TENM3: variants seen among roughly 807,000 people sequenced by gnomAD.
TENM3 encodes the protein teneurin-3.
Under a neutral mutation model 255.1 loss-of-function variants are expected in TENM3, and 63 were observed. That is an observed-to-expected ratio of 0.25 (90% confidence interval 0.20 to 0.30). The LOEUF is 0.30. Among genes scored for constraint, TENM3 ranks in the 10% least tolerant of loss-of-function variants. The pLI is 1.00. For missense variants in TENM3, 2,929 were observed against 3,461.1 expected, an observed-to-expected ratio of 0.85 and a Z score of 3.86; for synonymous variants, 1,306 against 1,322.3, an observed-to-expected ratio of 0.99 and a Z score of 0.27.
In TENM3 at chr4:182,714,281, C is replaced by T. The variant is rs117060822; in HGVS notation, c.2368+48C>T. The T allele has an allele frequency of 2.0e-4, 210 of 1,030,306 alleles. 1 individual carries two copies. In the South Asian group the frequency reaches 2.7e-3, roughly 13 times the overall value. 63.8% of individuals were successfully genotyped at this position (1,030,306 alleles called of 1,614,324 possible). On this transcript the variant is annotated intron_variant, in intron 13 of 27. Transcript: ENST00000511685. ...ACGAGTCTGTGCCAGAGCACAGGTT[C>T]GTAAGTGACAGTGAGTACATAGATA...
At chr4:181,621,624 C>A in the TENM3 span, among the ~76,000 whole-genome samples, 522 of 152,148 alleles carry the variant, frequency 3.4e-3, 4 homozygotes, top group African/African-American at 0.011. Context: ...CTCACACACA[C>A]AAAAAAATCA....
At chr4:182,493,098 G>A (rs1735456771) in intron 3 of TENM3, among the ~76,000 whole-genome samples, 1 of 152,080 alleles carries the variant, frequency 6.6e-6, no homozygotes, top group African/African-American at 2.4e-5. Context: ...AAACTTCCTA[G>A]AAAATTTAGT....
chr4:181,738,277 C>T, the TENM3 span, among the ~76,000 whole-genome samples: 1 of 152,066 alleles, frequency 6.6e-6, no homozygotes, highest in Non-Finnish European at 1.5e-5. Context: ...ACTGGATTTC[C>T]TAAACATCCT....
At chr4:181,965,122 A>G in the TENM3 span, among the ~76,000 whole-genome samples, 1 of 152,204 alleles carries the variant, frequency 6.6e-6, no homozygotes, top group African/African-American at 2.4e-5. Context: ...TTTAATTATA[A>G]AATTATGAAA....
chr4:182,407,686 A>C (rs1032148676), intron 3 of TENM3, among the ~76,000 whole-genome samples: 1 of 152,140 alleles, frequency 6.6e-6, no homozygotes, highest in African/African-American at 2.4e-5. Context: ...ATAAAGAATG[A>C]CTCTGAATTT....
At chr4:182,644,602 C>G (rs1752579574) in intron 5 of TENM3, among the ~76,000 whole-genome samples, 3 of 151,926 alleles carry the variant, frequency 2.0e-5, no homozygotes, top group Non-Finnish European at 2.9e-5. Context: ...CTTTAATGGT[C>G]TTTGTGTGTG....
intron 3 of TENM3, among the ~76,000 whole-genome samples, chr4:182,534,018 A>G (rs959119556): frequency 2.6e-5 from 4 of 152,230 alleles, no homozygotes; most frequent in African/African-American, 9.7e-5. Flanking sequence ...GCTTTCAGTG[A>G]TACAAAACTA....
chr4:181,898,848 G>A, the TENM3 span, among the ~76,000 whole-genome samples: 1 of 151,930 alleles, frequency 6.6e-6, no homozygotes, highest in African/African-American at 2.4e-5. Flanking sequence ...CAAAGTAAGT[G>A]GTGTTTTGAA....
chr4:182,596,479 G>T (rs900012042), intron 3 of TENM3, among the ~76,000 whole-genome samples: 1 of 151,174 alleles, frequency 6.6e-6, no homozygotes, highest in African/African-American at 2.4e-5. Context: ...TGACTCCGAA[G>T]AAAGATCAAT....
chr4:181,518,549 T>A, the TENM3 span, among the ~76,000 whole-genome samples: 1 of 152,066 alleles, frequency 6.6e-6, no homozygotes, highest in Non-Finnish European at 1.5e-5. Context: ...TGCCTCAGCC[T>A]CCTGAGTAGC....
At chr4:181,534,207 G>A in the TENM3 span, among the ~76,000 whole-genome samples, 5 of 146,812 alleles carry the variant, frequency 3.4e-5, no homozygotes, top group Non-Finnish European at 5.9e-5. Flanking sequence ...TCCAGCCTGG[G>A]CAACAGAGCA....
intron 1 of TENM3, chr4:182,169,198 A>G (rs1296765185): frequency 1.7e-5 from 8 of 459,610 alleles, no homozygotes; most frequent in Non-Finnish European, 3.1e-5. Flanking sequence ...TTCATAAACC[A>G]AGTGATTTTT....
chr4:182,693,257 G>A (rs954900505), intron 12 of TENM3, among the ~76,000 whole-genome samples: 3 of 152,038 alleles, frequency 2.0e-5, no homozygotes, highest in African/African-American at 7.2e-5. Flanking sequence ...AATAAAAAAG[G>A]TATGGGCTTT....
intron 11 of TENM3, among the ~76,000 whole-genome samples, chr4:182,683,448 G>T (rs893057746): frequency 1.3e-5 from 2 of 152,044 alleles, no homozygotes; most frequent in Non-Finnish European, 2.9e-5. Context: ...TTCAGATTAG[G>T]GATGCTCCAG....
intron 25 of TENM3, among the ~76,000 whole-genome samples, chr4:182,791,492 A>C (rs905607766): frequency 2.0e-5 from 3 of 152,202 alleles, no homozygotes; most frequent in African/African-American, 7.2e-5. Context: ...GTTCACTTTT[A>C]ATACATTTAC....
At chr4:182,609,296 C>A (rs72701971) in intron 4 of TENM3, among the ~76,000 whole-genome samples, 30,250 of 152,180 alleles carry the variant, frequency 0.2, 3,643 homozygotes, top group Non-Finnish European at 0.27. Context: ...GAATTTCATT[C>A]TCTGGTTTCA....
the TENM3 span, among the ~76,000 whole-genome samples, chr4:181,450,430 C>T: frequency 6.6e-6 from 1 of 152,100 alleles, no homozygotes; most frequent in Non-Finnish European, 1.5e-5. Flanking sequence ...GGAACACAAT[C>T]GTTTTCTTCC....
the TENM3 span, among the ~76,000 whole-genome samples, chr4:181,785,163 G>A: frequency 6.6e-5 from 10 of 152,168 alleles, no homozygotes; most frequent in Admixed American, 6.6e-4. Flanking sequence ...GGAGCAGTGA[G>A]ATGATACTTT....
intron 12 of TENM3, among the ~76,000 whole-genome samples, chr4:182,690,229 G>A (rs1756911047): frequency 6.6e-6 from 1 of 152,196 alleles, no homozygotes; most frequent in South Asian, 2.1e-4. Context: ...ATCAACAACA[G>A]GTGCCCACAG....
Sources: gnomAD v4.1 joint callset for allele counts (sites outside exome capture counted in the v4.1 genomes callset) on GRCh38, gnomAD v4.1.1 for gene constraint, MANE v1.5 for transcripts, NCBI Gene and HGNC (gene_info 2026-07-23, HGNC 2026-07-21) for gene names.